The following PGAP4 variants were observed in gnomAD, a reference collection of about 807,000 sequenced individuals.
PGAP4 encodes the protein GPI-N-acetylgalactosamine transferase PGAP4.
Under a neutral mutation model 28.2 loss-of-function variants are expected in PGAP4, and 12 were observed. That is an observed-to-expected ratio of 0.42 (90% CI 0.27 to 0.69). The LOEUF is 0.69. Ranked by LOEUF, PGAP4 falls within the 30% of genes least tolerant of loss-of-function variation. The probability of loss-of-function intolerance (pLI) is 0.22; values close to 1 mark genes in which losing one functional copy is unlikely to be tolerated. For missense variants in PGAP4, 425 were observed against 513.5 expected, an observed-to-expected ratio of 0.83 and a Z score of 1.67; for synonymous variants, 205 against 211.8, an observed-to-expected ratio of 0.97 and a Z score of 0.28.
intron 2 of PGAP4, among the ~76,000 whole-genome samples, chr9:101,493,360 C>A (rs539450224): frequency 2.6e-5 from 4 of 152,152 alleles, no homozygotes; most frequent in African/African-American, 7.2e-5. Context: ...TGTTGGCCTC[C>A]CTTGGATGTT....
chr9:101,484,290 G>A (rs1470879968), intron 1 of PGAP4, among the ~76,000 whole-genome samples: 1 of 151,960 alleles, frequency 6.6e-6, no homozygotes, highest in Admixed American at 6.6e-5. Flanking sequence ...TGAGGAAGAG[G>A]GTGGGAGGGT....
chr9:101,502,175 T>G (rs1294156666), intron 2 of PGAP4, among the ~76,000 whole-genome samples: 1 of 152,060 alleles, frequency 6.6e-6, no homozygotes, highest in Non-Finnish European at 1.5e-5. Flanking sequence ...TTTGGAGGCA[T>G]CTTCCTCTCT....
At chr9:101,502,825 A>T (rs1826815274) in intron 2 of PGAP4, among the ~76,000 whole-genome samples, 1 of 152,068 alleles carries the variant, frequency 6.6e-6, no homozygotes, top group African/African-American at 2.4e-5. Flanking sequence ...TAAGAAAGAC[A>T]TCTTTTTCTT....
At chr9:101,518,255 G>T (rs1339532589) in intron 2 of PGAP4, among the ~76,000 whole-genome samples, 1 of 152,086 alleles carries the variant, frequency 6.6e-6, no homozygotes, top group Non-Finnish European at 1.5e-5. Context: ...TAGTGTATAT[G>T]TAGCACATTT....
chr9:101,474,661 A>G lies in PGAP4; in HGVS notation c.*1220T>C, dbSNP rs553919396. On this transcript the variant is annotated 3_prime_UTR_variant, in exon 2 of 2. Coordinates refer to ENST00000374848, the MANE Select transcript of PGAP4 (RefSeq NM_032342.3). ...CTTGGTCATCTGGAATAGCTGGTAC[A>G]TAGGTGGCAGCTCCATGCCCTATCT... 5 of 152,340 alleles carry G rather than the reference A, an allele frequency of 3.3e-5. No individual in the cohort carries two copies. The South Asian group carries it at 1.0e-3, about 32-fold the overall frequency. The allele number at this position is 152,340 out of a possible 1,614,324, so 9.4% of individuals were successfully genotyped here. A position where few individuals can be genotyped will look rare whatever the true frequency, so the allele number is the denominator to read the frequency against.
intron 2 of PGAP4, among the ~76,000 whole-genome samples, chr9:101,502,883 C>T (rs1002444780): frequency 3.9e-5 from 6 of 151,988 alleles, no homozygotes; most frequent in African/African-American, 1.4e-4. Flanking sequence ...CCAAAAGTTC[C>T]TTTTTTTCAT....
At chr9:101,499,828 G>C (rs1252217759) in intron 2 of PGAP4, among the ~76,000 whole-genome samples, 1 of 152,006 alleles carries the variant, frequency 6.6e-6, no homozygotes, top group Admixed American at 6.6e-5. Flanking sequence ...GTGTGCATGA[G>C]GGGGTGACTA....
At chr9:101,483,499 A>G (rs1826542143) in intron 1 of PGAP4, among the ~76,000 whole-genome samples, 1 of 152,148 alleles carries the variant, frequency 6.6e-6, no homozygotes, top group East Asian at 1.9e-4. Context: ...TTCTCAACCA[A>G]TATGCACTAC....
intron 2 of PGAP4, among the ~76,000 whole-genome samples, chr9:101,497,388 T>C (rs531295034): frequency 4.6e-5 from 7 of 151,686 alleles, no homozygotes; most frequent in Non-Finnish European, 1.0e-4. Context: ...AACCTTAAAG[T>C]TAAATACATG....
At chr9:101,491,268 A>G (rs7873168), upstream of PGAP4, among the ~76,000 whole-genome samples, 43,372 of 151,974 alleles carry the variant, frequency 0.29, 6,370 homozygotes, top group East Asian at 0.36. Context: ...TCTCTACAGA[A>G]GACAAATGGT....
chr9:101,501,278 T>C (rs957862652), intron 2 of PGAP4, among the ~76,000 whole-genome samples: 1 of 152,050 alleles, frequency 6.6e-6, no homozygotes, highest in Non-Finnish European at 1.5e-5. Flanking sequence ...AGTGATGCTG[T>C]AGCCACAACA....
intron 1 of PGAP4, among the ~76,000 whole-genome samples, chr9:101,480,354 G>T (rs1047943118): frequency 7.9e-5 from 11 of 138,472 alleles, no homozygotes; most frequent in African/African-American, 2.5e-4. Flanking sequence ...ACTGTTTTTT[G>T]TTGTTGTTGT....
chr9:101,495,512 TA>T (rs1826738951), intron 2 of PGAP4, among the ~76,000 whole-genome samples: 1 of 141,442 alleles, frequency 7.1e-6, no homozygotes, highest in South Asian at 2.1e-4. Flanking sequence ...TGGAAAATTT[TA>T]AAGTTAATTT....
At chr9:101,508,189 G>A (rs1826865540) in intron 2 of PGAP4, among the ~76,000 whole-genome samples, 1 of 144,690 alleles carries the variant, frequency 6.9e-6, no homozygotes, top group Non-Finnish European at 1.5e-5. Context: ...CTTTTGTGCT[G>A]GATATGCATT....
At chr9:101,490,390 A>G (rs778394824), upstream of PGAP4, among the ~76,000 whole-genome samples, 5 of 151,726 alleles carry the variant, frequency 3.3e-5, no homozygotes, top group African/African-American at 1.2e-4. Flanking sequence ...GGGTTTCACC[A>G]TTTTGGCCAG....
intron 2 of PGAP4, among the ~76,000 whole-genome samples, chr9:101,502,533 A>G (rs1022062561): frequency 8.5e-5 from 13 of 152,060 alleles, no homozygotes; most frequent in African/African-American, 3.1e-4. Context: ...GATTTATACT[A>G]TAAAACAAAA....
chr9:101,497,355 C>A (rs1826760812), intron 2 of PGAP4, among the ~76,000 whole-genome samples: 1 of 151,572 alleles, frequency 6.6e-6, no homozygotes, highest in African/African-American at 2.4e-5. Flanking sequence ...GACGTGTAAA[C>A]ATTAGGTATT....
rs546311463 is a variant in PGAP4 at position 101,474,443 on chromosome 9, C to T, written c.*1438G>A. 6.6e-6 allele frequency: 1 copy of T among 152,310 alleles called. No individual in the cohort carries two copies. The highest frequency in any genetic ancestry group is 1.9e-4 in the East Asian group (1 of 5,180). 9.4% of individuals were successfully genotyped at this position (152,310 alleles called of 1,614,324 possible). ...ACTGTTAAAAGACATTTATTTGTAA[C>T]TTTTGAGAAAATAATTTTCAGACTC... is the stretch of plus-strand genomic sequence containing the variant. On this transcript the variant is annotated 3_prime_UTR_variant, in exon 2 of 2. Coordinates refer to ENST00000374848, the MANE Select transcript of PGAP4 (RefSeq NM_032342.3).
At position 101,476,694 on chromosome 9, in the gene PGAP4, G is replaced by C. The variant is rs780073301; in HGVS notation, c.399C>G (p.Gly133=). ...SQFHRLLQQC[G]PQCEGHQLFL... The stretch of plus-strand genomic sequence containing the variant: ...AGAGTTGGTGCCCCTCGCACTGGGG[G>C]CCACATTGCTGAAGAAGCCGGTGGA... Residue 133 remains glycine, a synonymous_variant, in exon 2 of 2, where the codon GGC becomes GGG. Coordinates refer to ENST00000374848, the MANE Select transcript of PGAP4 (RefSeq NM_032342.3). This position sits in a 1 kb window ranked among gnomAD's most constrained non-coding sequence, Gnocchi z 7.0. 2 of 1,614,152 alleles carry C rather than the reference G, an allele frequency of 1.2e-6. No homozygotes were observed. Among genetic ancestry groups the C allele is most frequent in the Non-Finnish European group, 1.7e-6 (2 of 1,180,044 alleles).
Sources: gnomAD v4.1 joint callset for allele counts (sites outside exome capture counted in the v4.1 genomes callset) on GRCh38, gnomAD v4.1.1 for gene constraint, Gnocchi (gnomAD v3.1) non-coding constraint, MANE v1.5 for transcripts, NCBI Gene and HGNC (gene_info 2026-07-23, HGNC 2026-07-21) for gene names.